DDX25: variants seen among roughly 807,000 people sequenced by gnomAD.
DDX25 encodes the protein DEAD-box helicase 25.
In DDX25, 70 loss-of-function variants were observed where a neutral mutation model predicts 64.6. The ratio of observed to expected loss-of-function variants is 1.08; its 90% CI spans 0.89 to 1.32. The LOEUF is 1.32. Ranked by LOEUF, DDX25 falls within the 40% of genes most tolerant of loss-of-function variation. The probability of loss-of-function intolerance (pLI) is 0.00; values close to 1 mark genes in which losing one functional copy is unlikely to be tolerated. For synonymous variants in DDX25, 211 were observed against 213.3 expected (o/e 0.99, Z 0.09); for missense variants, 587 against 604.4 (o/e 0.97, Z 0.30).
At chr11:125,904,497 G>T, upstream of DDX25, 1 of 1,478,570 alleles carries the variant, frequency 6.8e-7, no homozygotes, top group African/African-American at 1.4e-5. Context: ...CGTGCTGGGG[G>T]CGGGAGCAGC....
At position 125,910,455 on chromosome 11, in the gene DDX25, T is replaced by G. The variant is rs1453434538; in HGVS notation, c.599T>G (p.Met200Arg). 2 of 1,614,016 alleles carry G rather than the reference T, an allele frequency of 1.2e-6. No individual in the cohort carries two copies. The highest frequency in any genetic ancestry group is 1.7e-5 in the Admixed American group (1 of 60,028). The change falls in exon 7 of 12, where the codon ATG (methionine) becomes AGG (arginine). Residue 200 changes from methionine (M) to arginine (R), a missense_variant. Transcript: ENST00000263576. ...MGKFCVDVQV[M>R]YAIRGNRIPR... Reference sequence around the variant, plus strand: ...AAATTCTGTGTGGATGTTCAAGTGATGTATGCCATTCGAGGGAATCGAAGT... The same window carrying G: ...AAATTCTGTGTGGATGTTCAAGTGAGGTATGCCATTCGAGGGAATCGAAGT...
At chr11:125,918,586 T>G in intron 9 of DDX25, 42 bp from the exon 10 acceptor site, 1 of 1,589,814 alleles carries the variant, frequency 6.3e-7, no homozygotes, top group East Asian at 2.3e-5. Flanking sequence ...GCTGCTTTGC[T>G]TAATCTTGGG....
In DDX25 at chr11:125,917,249, C is replaced by T; in HGVS notation, c.1036C>T (p.Gln346Ter). ...CATTGGTCAGGCCATCATCTTCTGC[C>T]AGGTACACTCTGTGGATGTGTCTTC... ...ITIGQAIIFC[Q>*]TRRNAKWLTV... Residue 346 changes from glutamine to a stop codon, truncating the protein, a stop_gained and splice_region_variant, in exon 9 of 12, where the codon CAG becomes TAG. Coordinates refer to ENST00000263576, the MANE Select transcript of DDX25 (RefSeq NM_013264.5). LOFTEE classifies it high-confidence loss of function. 1 of 1,598,500 alleles carries T rather than the reference C, an allele frequency of 6.3e-7. No individual in the cohort carries two copies. The highest frequency in any genetic ancestry group is 8.5e-7 in the Non-Finnish European group (1 of 1,172,850).
Position 125,925,184 on chromosome 11 carries a change from C to T in DDX25, c.*2303C>T, listed in dbSNP as rs1945156551. ...CGTGCTCAGCTCCGCCTTGGGGTGT[C>T]CTAAATAAAACTTTACCACTTTCCT... is the stretch of plus-strand genomic sequence containing the variant. On this transcript the variant is annotated 3_prime_UTR_variant, in exon 12 of 12. Transcript: ENST00000263576. 4 of 328,474 alleles carry T rather than the reference C, an allele frequency of 1.2e-5. No homozygotes were observed. The highest frequency in any genetic ancestry group is 8.6e-5 in the African/African-American group (4 of 46,296). 20.3% of individuals were successfully genotyped at this position (328,474 alleles called of 1,614,324 possible).
At chr11:125,909,214 C>T (rs1343295888) in intron 6 of DDX25, among the ~76,000 whole-genome samples, 1 of 152,182 alleles carries the variant, frequency 6.6e-6, no homozygotes, top group East Asian at 1.9e-4. Flanking sequence ...AATACCAAGG[C>T]TCTCTCAGTA....
At chr11:125,903,356 G>A (rs545722551), upstream of DDX25, 2 of 363,390 alleles carry the variant, frequency 5.5e-6, no homozygotes, top group Non-Finnish European at 7.6e-6. Flanking sequence ...CCGCCCACAG[G>A]GCAGAATCTG....
chr11:125,916,976 A>G (rs1162735946), intron 8 of DDX25, 38 bp from the exon 9 acceptor site: 2 of 1,546,460 alleles, frequency 1.3e-6, no homozygotes, highest in Admixed American at 3.9e-5. Context: ...GAGTGATGGG[A>G]TGGCAGCTTG....
chr11:125,910,837 G>A (rs1217139691), intron 7 of DDX25, among the ~76,000 whole-genome samples: 1 of 151,724 alleles, frequency 6.6e-6, no homozygotes, highest in Non-Finnish European at 1.5e-5. Context: ...AAGATTAAAA[G>A]TGAAAGTTGT....
At chr11:125,912,214 AGTCATT>A (rs1213236139) in intron 8 of DDX25, among the ~76,000 whole-genome samples, 1 of 152,156 alleles carries the variant, frequency 6.6e-6, no homozygotes, top group Non-Finnish European at 1.5e-5. Flanking sequence ...CCTGATGTAT[AGTCATT>A]GTCAACTGAT....
At chr11:125,911,283 GGA>G in intron 7 of DDX25, 26 bp from the exon 8 acceptor site, 1 of 1,585,340 alleles carries the variant, frequency 6.3e-7, no homozygotes, top group African/African-American at 1.3e-5. Flanking sequence ...TGCATCTGAA[GGA>G]GTGCTTAAAA....
At chr11:125,917,275 A>G (rs766382483) in intron 9 of DDX25, 24 bp downstream of exon 9, 3 of 1,572,690 alleles carry the variant, frequency 1.9e-6, no homozygotes, top group Admixed American at 3.7e-5. Context: ...ATGTGTCTTC[A>G]TCGAGCCCAG....
At chr11:125,907,425 A>T (rs188318489) in intron 4 of DDX25, among the ~76,000 whole-genome samples, 4 of 151,832 alleles carry the variant, frequency 2.6e-5, no homozygotes, top group East Asian at 1.9e-4. Context: ...TGGCTAACAC[A>T]GTGAAACCCC....
chr11:125,905,136 C>T, intron 1 of DDX25, 76 bp from the exon 2 acceptor site: 2 of 1,335,284 alleles, frequency 1.5e-6, no homozygotes, highest in South Asian at 1.3e-5. Flanking sequence ...TCCCTCCCAG[C>T]CCCTGTGGTA....
chr11:125,920,919 T>TAC (rs3034729), intron 10 of DDX25: 40,841 of 263,716 alleles, frequency 0.15, 2,123 homozygotes, highest in Admixed American at 0.21. Context: ...CACACACACA[T>TAC]ACACACACAC....
intron 11 of DDX25, chr11:125,922,272 G>A (rs1565469147): frequency 6.6e-6 from 1 of 152,300 alleles, no homozygotes; most frequent in South Asian, 2.1e-4. Context: ...TGTGGCTGGG[G>A]AGCAGGGGAG....
intron 8 of DDX25, among the ~76,000 whole-genome samples, chr11:125,911,727 G>T (rs1222536650): frequency 6.6e-6 from 1 of 152,170 alleles, no homozygotes; most frequent in Admixed American, 6.5e-5. Flanking sequence ...CTTACAGATG[G>T]ACTCTATTAA....
intron 1 of DDX25, 34 bp from the exon 2 acceptor site, chr11:125,905,178 C>T: frequency 6.5e-7 from 1 of 1,548,596 alleles, no homozygotes; most frequent in Non-Finnish European, 8.7e-7. Context: ...GGGCTTGCAT[C>T]CTAATATTGG....
chr11:125,910,393 G>A lies in DDX25; in HGVS notation c.537G>A (p.Leu179=), dbSNP rs1296443659. 1 of 1,613,884 alleles carries A rather than the reference G, an allele frequency of 6.2e-7. No homozygotes were observed. Among genetic ancestry groups the A allele is most frequent in the East Asian group, 2.2e-5 (1 of 44,878 alleles). ...QCLCLAPTYE[L]ALQTGRVVEQ... The stretch of plus-strand genomic sequence containing the variant: ...TCTGCCTAGCTCCTACTTATGAATT[G>A]GCTCTGCAAACTGGCCGTGTGGTTG... Residue 179 remains leucine, a synonymous_variant, in exon 7 of 12, where the codon TTG becomes TTA. Transcript: ENST00000263576.
At chr11:125,907,978 C>T (rs188895135) in intron 4 of DDX25, among the ~76,000 whole-genome samples, 8 of 152,290 alleles carry the variant, frequency 5.3e-5, no homozygotes, top group African/African-American at 1.2e-4. Context: ...CACTGTCCTT[C>T]GCCTAGGCTT....
Sources: gnomAD v4.1 joint callset for allele counts (sites outside exome capture counted in the v4.1 genomes callset) on GRCh38, gnomAD v4.1.1 for gene constraint, MANE v1.5 for transcripts, NCBI Gene and HGNC (gene_info 2026-07-23, HGNC 2026-07-21) for gene names.